Variants in BSDC1 observed in about 807,000 individuals in gnomAD.
BSDC1 encodes BSD domain containing 1, also known as BSD domain-containing protein 1.
BSDC1 carries 29 observed loss-of-function variants against 56.0 expected under a neutral mutation model. The observed-to-expected ratio is 0.52, with a 90% CI of 0.39 to 0.71. The LOEUF is 0.71. Among genes scored for constraint, BSDC1 ranks in the 30% least tolerant of loss-of-function variants. BSDC1 has a pLI of 0.00. For synonymous variants in BSDC1, 210 were observed against 215.3 expected (o/e 0.98, Z 0.21); for missense variants, 477 against 548.5 (o/e 0.87, Z 1.30).
intron 5 of BSDC1, among the ~76,000 whole-genome samples, chr1:32,379,147 A>G (rs1347049968): frequency 6.6e-6 from 1 of 152,092 alleles, no homozygotes; most frequent in South Asian, 2.1e-4. Context: ...GCCAAAGCCA[A>G]CATCTATTTC....
At chr1:32,366,685 A>G (rs1641865587) in intron 10 of BSDC1, 31 bp from the exon 11 acceptor site, 1 of 1,458,302 alleles carries the variant, frequency 6.9e-7, no homozygotes. Flanking sequence ...TGGAAATCAC[A>G]AACACATAGT....
chr1:32,380,645 CAAAA>C (rs1378187869), intron 5 of BSDC1, among the ~76,000 whole-genome samples: 74 of 152,068 alleles, frequency 4.9e-4, no homozygotes, highest in Admixed American at 2.6e-3. Context: ...GACTCCATCT[CAAAA>C]ACAAACAAAC....
At chr1:32,391,049 A>C (rs573002274) in intron 2 of BSDC1, among the ~76,000 whole-genome samples, 1 of 152,080 alleles carries the variant, frequency 6.6e-6, no homozygotes, top group Admixed American at 6.5e-5. Context: ...CTCAGACACT[A>C]CCTGTAGGGG....
In BSDC1 at chr1:32,365,277, T is replaced by C. The variant is rs1416840314; in HGVS notation, c.*1345A>G. On this transcript the variant is annotated 3_prime_UTR_variant, in exon 11 of 11. Coordinates refer to ENST00000455895, the MANE Select transcript of BSDC1 (RefSeq NM_018045.8). ...CAAAATACTCTGGGGAGATGCATTATAATTTAAAATATATAATATTGCACA... is the reference window on the plus strand; with the variant it reads ...CAAAATACTCTGGGGAGATGCATTACAATTTAAAATATATAATATTGCACA... 6.6e-6 allele frequency: 1 copy of C among 152,408 alleles called. No homozygotes were observed. Among genetic ancestry groups the C allele is most frequent in the Non-Finnish European group, 1.5e-5 (1 of 68,036 alleles). The allele number at this position is 152,408 out of a possible 1,614,324, so 9.4% of individuals were successfully genotyped here.
rs755221527 is a variant in BSDC1, at chr1:32,386,837, T to C, written c.131A>G (p.Gln44Arg). ...TGCGATGGTACAGGCCGTGTCATGC[T>C]GCACCACCTGGGTAAACTCCGTCAG... ...RDLTEFTQVV[Q>R]HDTACTIAAT... Residue 44 changes from glutamine to arginine, a missense_variant, in exon 3 of 11, where the codon CAG (glutamine) becomes CGG (arginine). Gln to Arg is a conservative substitution (Grantham distance 43). Transcript: ENST00000455895. 2.5e-6 allele frequency: 4 copies of C among 1,612,368 alleles called. No individual in the cohort carries two copies. The African/African-American group carries it at 4.0e-5, about 16-fold the overall frequency.
At chr1:32,376,784 G>A (rs1557643296) in intron 8 of BSDC1, 43 bp from the exon 9 acceptor site, 10 of 1,330,866 alleles carry the variant, frequency 7.5e-6, no homozygotes, top group Non-Finnish European at 9.7e-6. Flanking sequence ...AATGTAACCT[G>A]GCCAGCCATA....
intron 2 of BSDC1, among the ~76,000 whole-genome samples, chr1:32,390,143 G>A (rs1291014776): frequency 6.6e-6 from 1 of 152,186 alleles, no homozygotes; most frequent in East Asian, 1.9e-4. Context: ...CAGCCCTATG[G>A]ATGATGGGGA....
At chr1:32,376,859 G>A in intron 8 of BSDC1, 118 bp from the exon 9 acceptor site, 1 of 1,164,474 alleles carries the variant, frequency 8.6e-7, no homozygotes, top group Middle Eastern at 3.2e-4. Context: ...AGCCGGGCAT[G>A]GTGGCTCACA....
At chr1:32,366,774 T>G in intron 10 of BSDC1, 120 bp from the exon 11 acceptor site, 1 of 1,428,722 alleles carries the variant, frequency 7.0e-7, no homozygotes, top group Non-Finnish European at 9.2e-7. Flanking sequence ...GGCCATACTC[T>G]GAGGTCCCAC....
intron 2 of BSDC1, among the ~76,000 whole-genome samples, chr1:32,389,276 C>T (rs903590121): frequency 6.6e-6 from 1 of 152,178 alleles, no homozygotes; most frequent in African/African-American, 2.4e-5. Context: ...CAATGTCTGT[C>T]TTCCTGGATA....
chr1:32,394,223 A>AC, intron 1 of BSDC1, 83 bp from the exon 2 acceptor site: 9 of 1,566,888 alleles, frequency 5.7e-6, no homozygotes, highest in Non-Finnish European at 7.8e-6. Context: ...GCTCAGATGT[A>AC]CCCTGCGGGC....
chr1:32,380,154 G>A (rs1330557871), intron 5 of BSDC1, among the ~76,000 whole-genome samples: 1 of 152,160 alleles, frequency 6.6e-6, no homozygotes. Context: ...AATTCCAACT[G>A]CCTGGTCTGG....
Position 32,376,373 on chromosome 1 carries a change from T to G in BSDC1, c.1045A>C (p.Arg349=), listed in dbSNP as rs1218484074. The change falls in exon 9 of 11, where the codon AGG becomes CGG. Residue 349 remains arginine (R), a synonymous_variant. Coordinates refer to ENST00000455895, the MANE Select transcript of BSDC1 (RefSeq NM_018045.8). ...AGAGTCTCTACTCTGGCTGGAGGCC[T>G]GGGCTCTGGGCCGCCGGTGTGGCCA... ...PAGHTGGPEP[R]PPARVETLRE... is the part of the protein sequence containing the mutation. The G allele has an allele frequency of 1.6e-5, 26 of 1,613,730 alleles. No homozygotes were observed. Among genetic ancestry groups the G allele is most frequent in the Non-Finnish European group, 2.2e-5 (26 of 1,179,696 alleles).
intron 10 of BSDC1, 117 bp from the exon 11 acceptor site, chr1:32,366,771 C>A: frequency 1.4e-6 from 2 of 1,430,204 alleles, no homozygotes; most frequent in Non-Finnish European, 1.8e-6. Context: ...CCAGGCCATA[C>A]TCTGAGGTCC....
Position 32,378,743 on chromosome 1 carries a change from C to T in BSDC1, c.509G>A (p.Arg170Gln), listed in dbSNP as rs373964492. The stretch of plus-strand genomic sequence containing the variant: ...CCTCACCATCTTGGTGTAGAGGGCC[C>T]GGATGGAGGGGCTGCCTACAAGGAG... ...SELLVGSPSI[R>Q]ALYTKMVPAA... The change falls in exon 6 of 11, where the codon CGG (arginine) becomes CAG (glutamine). Residue 170 changes from arginine to glutamine, a missense_variant. Transcript: ENST00000455895. The surrounding 1 kb of genome is among the most constrained non-coding windows in gnomAD (Gnocchi z 5.2). 216 of 1,529,452 alleles carry T rather than the reference C, an allele frequency of 1.4e-4. No homozygotes were observed. Among genetic ancestry groups the T allele is most frequent in the Non-Finnish European group, 1.8e-4 (203 of 1,136,470 alleles). The allele number at this position is 1,529,452 out of a possible 1,614,324, so 94.7% of individuals were successfully genotyped here.
intron 3 of BSDC1, among the ~76,000 whole-genome samples, chr1:32,386,087 A>C (rs925110527): frequency 1.3e-5 from 2 of 152,166 alleles, no homozygotes; most frequent in African/African-American, 4.8e-5. Context: ...TGGGAGATTG[A>C]GGTGGGCAGA....
At chr1:32,380,603 G>A (rs561386566) in intron 5 of BSDC1, among the ~76,000 whole-genome samples, 15 of 152,092 alleles carry the variant, frequency 9.9e-5, no homozygotes, top group Non-Finnish European at 1.6e-4. Flanking sequence ...CCGAGATCGC[G>A]CCATTGCACT....
chr1:32,387,659 A>G (rs1197085746), intron 2 of BSDC1, among the ~76,000 whole-genome samples: 1 of 152,194 alleles, frequency 6.6e-6, no homozygotes, highest in African/African-American at 2.4e-5. Context: ...TTTTTTTATC[A>G]AAGGAAAGTG....
chr1:32,367,211 C>T, intron 10 of BSDC1: 1 of 985,534 alleles, frequency 1.0e-6, no homozygotes, highest in Non-Finnish European at 1.2e-6. Flanking sequence ...GCTCAAGTCT[C>T]CCCACGGAAC....
Sources: gnomAD v4.1 joint callset for allele counts (sites outside exome capture counted in the v4.1 genomes callset) on GRCh38, gnomAD v4.1.1 for gene constraint, Gnocchi (gnomAD v3.1) non-coding constraint, MANE v1.5 for transcripts, NCBI Gene and HGNC (gene_info 2026-07-23, HGNC 2026-07-21) for gene names.